Variants in SQOR observed in about 807,000 individuals in gnomAD.
SQOR encodes the protein sulfide:quinone oxidoreductase, mitochondrial.
Under a neutral mutation model 48.6 loss-of-function variants are expected in SQOR, and 39 were observed. The observed-to-expected ratio is 0.80, with a 90% CI of 0.62 to 1.05. The LOEUF is 1.05. Among genes scored for constraint, SQOR ranks in the 50% least tolerant of loss-of-function variants. SQOR has a pLI of 0.00. For missense variants in SQOR, 561 were observed against 559.9 expected (o/e 1.00, Z -0.02); for synonymous variants, 220 against 206.2 (o/e 1.07, Z -0.57).
At chr15:45,653,204 G>A (rs1004250007) in intron 1 of SQOR, among the ~76,000 whole-genome samples, 7 of 152,124 alleles carry the variant, frequency 4.6e-5, no homozygotes, top group African/African-American at 7.2e-5. Flanking sequence ...TGGAGGCCCC[G>A]TAGTTTAAAG....
chr15:45,662,707 T>C (rs907612397), intron 3 of SQOR, among the ~76,000 whole-genome samples: 1 of 152,198 alleles, frequency 6.6e-6, no homozygotes, highest in Middle Eastern at 3.2e-3. Flanking sequence ...TTTTCAGCAG[T>C]GGCCGCCCCA....
chr15:45,650,197 T>G (rs142710430), intron 1 of SQOR, among the ~76,000 whole-genome samples: 1 of 152,298 alleles, frequency 6.6e-6, no homozygotes, highest in Non-Finnish European at 1.5e-5. Context: ...TAGAGTGCAA[T>G]GGCATGATCT....
rs543144723 is a variant in SQOR at position 45,659,008 on chromosome 15, C to G, written c.85C>G (p.Pro29Ala). Residue 29 changes from proline (P) to alanine (A), a missense_variant, in exon 2 of 10, where the codon CCC (proline) becomes GCC (alanine). Pro to Ala is a conservative substitution (Grantham distance 27, BLOSUM62 -1). Transcript: ENST00000260324. Reference protein sequence around the residue: ...LLRLGTQQVGPLQLHTGASHA... With the variant: ...LLRLGTQQVGALQLHTGASHA... The stretch of plus-strand genomic sequence containing the variant: ...CAGGCTGGGCACTCAGCAGGTCGGC[C>G]CCCTTCAGCTGCACACCGGGGCCAG... 1 of 1,603,486 alleles carries G rather than the reference C, an allele frequency of 6.2e-7. No homozygotes were observed. The highest frequency in any genetic ancestry group is 1.3e-5 in the African/African-American group (1 of 74,950).
At chr15:45,655,045 A>T (rs1444741367) in intron 1 of SQOR, among the ~76,000 whole-genome samples, 1 of 152,236 alleles carries the variant, frequency 6.6e-6, no homozygotes, top group Non-Finnish European at 1.5e-5. Flanking sequence ...CTATGTCTGC[A>T]GCTCGATTTT....
At chr15:45,651,871 C>CCTTCTCCTT (rs1889498305) in intron 1 of SQOR, among the ~76,000 whole-genome samples, 1 of 151,964 alleles carries the variant, frequency 6.6e-6, no homozygotes. Context: ...TCCTTCTCCT[C>CCTTCTCCTT]CTTCTCCTTC....
intron 1 of SQOR, among the ~76,000 whole-genome samples, chr15:45,651,434 A>T (rs1471991835): frequency 6.6e-6 from 1 of 152,196 alleles, no homozygotes; most frequent in Non-Finnish European, 1.5e-5. Flanking sequence ...GGCCCCTGCC[A>T]GCCCATAGAG....
intron 1 of SQOR, among the ~76,000 whole-genome samples, chr15:45,649,366 G>C (rs1345136742): frequency 6.6e-6 from 1 of 152,198 alleles, no homozygotes; most frequent in Non-Finnish European, 1.5e-5. Context: ...AATCAATTTA[G>C]AATAGAGGAA....
At chr15:45,661,368 TGCATTG>T (rs1216734482) in intron 2 of SQOR, among the ~76,000 whole-genome samples, 3 of 150,870 alleles carry the variant, frequency 2.0e-5, no homozygotes, top group African/African-American at 7.3e-5. Flanking sequence ...GGGTATGCAT[TGCATTG>T]TGGAGTAGGA....
intron 4 of SQOR, among the ~76,000 whole-genome samples, chr15:45,671,394 G>A (rs1003261678): frequency 1.3e-5 from 2 of 152,132 alleles, no homozygotes; most frequent in African/African-American, 4.8e-5. Context: ...CTGGCCTCAA[G>A]TGATCCACCC....
chr15:45,658,737 G>A (rs1004193413), intron 1 of SQOR, among the ~76,000 whole-genome samples, 170 bp from the exon 2 acceptor site: 2 of 152,222 alleles, frequency 1.3e-5, no homozygotes, highest in African/African-American at 4.8e-5. Flanking sequence ...CCAATTGGGT[G>A]CTCTCAGGAG....
chr15:45,639,127 T>C (rs1895063134), intron 1 of SQOR, among the ~76,000 whole-genome samples: 1 of 152,240 alleles, frequency 6.6e-6, no homozygotes. Flanking sequence ...TCCCGACATG[T>C]CCATCACTTG....
At chr15:45,679,591 C>G (rs1359877538) in intron 6 of SQOR, among the ~76,000 whole-genome samples, 1 of 152,084 alleles carries the variant, frequency 6.6e-6, no homozygotes, top group Admixed American at 6.6e-5. Context: ...ATCCCAGCTA[C>G]TTGGGAGGCT....
At chr15:45,656,358 G>A (rs1193191204) in intron 1 of SQOR, among the ~76,000 whole-genome samples, 1 of 152,070 alleles carries the variant, frequency 6.6e-6, no homozygotes, top group African/African-American at 2.4e-5. Context: ...GGAGTACAGT[G>A]GTGAAATCAC....
intron 5 of SQOR, among the ~76,000 whole-genome samples, chr15:45,674,355 G>T (rs1333302956): frequency 6.6e-6 from 1 of 152,050 alleles, no homozygotes; most frequent in East Asian, 1.9e-4. Flanking sequence ...CAGGAGAATT[G>T]CTCGAACCTG....
rs760451109 is a variant in SQOR, at chr15:45,691,001, C to T, written c.1324C>T (p.Arg442Cys). ...RGYWGGPAFL[R>C]KLFHLGMS Reference sequence around the variant, plus strand: ...TTACTGGGGAGGACCAGCGTTTCTGCGCAAGTTGTTTCATCTAGGTATGAG... The same window carrying T: ...TTACTGGGGAGGACCAGCGTTTCTGTGCAAGTTGTTTCATCTAGGTATGAG... The change falls in exon 10 of 10, where the codon CGC becomes TGC. Residue 442 changes from arginine to cysteine, a missense_variant. By Grantham distance (180) the Arg-to-Cys change is radical. Coordinates refer to ENST00000260324, the MANE Select transcript of SQOR (RefSeq NM_021199.4). 16 of 1,614,024 alleles carry T rather than the reference C, an allele frequency of 9.9e-6. No homozygotes were observed. The highest frequency in any genetic ancestry group is 4.4e-5 in the South Asian group (4 of 91,092).
At chr15:45,671,993 G>A (rs972069703) in intron 4 of SQOR, among the ~76,000 whole-genome samples, 3 of 152,154 alleles carry the variant, frequency 2.0e-5, no homozygotes, top group African/African-American at 7.2e-5. Flanking sequence ...CTAGATGAGG[G>A]GTCAAAACCA....
intron 1 of SQOR, among the ~76,000 whole-genome samples, chr15:45,635,888 T>C (rs1382752850): frequency 6.6e-6 from 1 of 152,052 alleles, no homozygotes; most frequent in African/African-American, 2.4e-5. Flanking sequence ...CAAGCTGGAG[T>C]GCAGTGGCGC....
At chr15:45,681,616 G>A (rs764992124) in intron 6 of SQOR, among the ~76,000 whole-genome samples, 4 of 152,030 alleles carry the variant, frequency 2.6e-5, no homozygotes, top group African/African-American at 9.7e-5. Flanking sequence ...ATGACATGTC[G>A]TGAACATTTC....
chr15:45,678,099 A>G (rs893747854), intron 6 of SQOR, among the ~76,000 whole-genome samples: 2 of 152,168 alleles, frequency 1.3e-5, no homozygotes, highest in Non-Finnish European at 2.9e-5. Context: ...TCTGCCCTTC[A>G]TTGGTGATGT....
Sources: allele counts gnomAD v4.1 joint callset (sites outside exome capture counted in the v4.1 genomes callset), GRCh38; gene constraint gnomAD v4.1.1; transcripts MANE v1.5; gene names NCBI Gene and HGNC (gene_info 2026-07-23, HGNC 2026-07-21).